The following FGF14 variants were observed in gnomAD, a reference collection of about 807,000 sequenced individuals.
FGF14 encodes fibroblast growth factor homologous factor 4.
FGF14 carries 5 observed loss-of-function variants against 25.5 expected under a neutral mutation model. The ratio of observed to expected loss-of-function variants is 0.20; its 90% confidence interval spans 0.10 to 0.41. The LOEUF is 0.41. Ranked by LOEUF, FGF14 falls within the 10% of genes least tolerant of loss-of-function variation. FGF14 has a pLI of 1.00. For synonymous variants in FGF14, 138 were observed against 118.3 expected (o/e 1.17, Z -1.08); for missense variants, 222 against 320.1 (o/e 0.69, Z 2.34).
intron 1 of FGF14, among the ~76,000 whole-genome samples, chr13:101,996,322 G>A (rs1179215475): frequency 2.0e-5 from 3 of 152,164 alleles, no homozygotes; most frequent in African/African-American, 7.2e-5. Flanking sequence ...TGAGCATTGT[G>A]TTGATGGAGA....
At chr13:101,723,816 ATGGT>A (rs75980063) in intron 4 of FGF14, among the ~76,000 whole-genome samples, 16,942 of 152,038 alleles carry the variant, frequency 0.11, 1,299 homozygotes, top group Admixed American at 0.23. Context: ...AGAGTGACTG[ATGGT>A]TGGGGAAAAC....
Position 102,311,358 on chromosome 13 carries a change from T to G in FGF14, c.208+90113A>C, listed in dbSNP as rs569936538. ...TCTGATCAGTCTTGAAGAAAATATC[T>G]TTTCTATGTGAGCTCTTTAAAGTAA... On this transcript the variant is annotated intron_variant, in intron 1 of 4. Coordinates refer to the FGF14 transcript ENST00000376131. Among the ~76,000 whole-genome samples, 29 of 152,304 alleles carry G rather than the reference T, an allele frequency of 1.9e-4. No homozygotes were observed. In the East Asian group the frequency reaches 5.2e-3, roughly 27 times the overall value.
At chr13:102,266,103 C>T in intron 1 of FGF14, among the ~76,000 whole-genome samples, 1 of 152,042 alleles carries the variant, frequency 6.6e-6, no homozygotes, top group East Asian at 1.9e-4. Context: ...AGATCTTAAC[C>T]AAGACGCAGA....
At chr13:101,860,493 TTGA>T (rs1462786189) in intron 3 of FGF14, among the ~76,000 whole-genome samples, 1 of 152,114 alleles carries the variant, frequency 6.6e-6, no homozygotes, top group Admixed American at 6.6e-5. Flanking sequence ...AAGCAGGCAG[TTGA>T]AAAGTCTGAT....
chr13:101,791,133 G>A (rs1156988280), intron 3 of FGF14, among the ~76,000 whole-genome samples: 2 of 152,160 alleles, frequency 1.3e-5, no homozygotes, highest in African/African-American at 2.4e-5. Context: ...CCCCTTTACA[G>A]CTGGGTGGCC....
chr13:102,206,619 T>C (rs986507398), intron 1 of FGF14, among the ~76,000 whole-genome samples: 1 of 152,016 alleles, frequency 6.6e-6, no homozygotes, highest in Admixed American at 6.5e-5. Flanking sequence ...AGGTGGAGGT[T>C]ACAGTGAGCC....
At chr13:101,774,608 G>A (rs754631091) in intron 3 of FGF14, among the ~76,000 whole-genome samples, 1 of 152,072 alleles carries the variant, frequency 6.6e-6, no homozygotes, top group Non-Finnish European at 1.5e-5. Context: ...CATCACTAGT[G>A]GAAATGTTTA....
chr13:101,912,274 T>C (rs1258577193), intron 1 of FGF14, among the ~76,000 whole-genome samples: 2 of 152,158 alleles, frequency 1.3e-5, no homozygotes, highest in East Asian at 1.9e-4. Flanking sequence ...AAAATGTTAG[T>C]AAGAAGCCCA....
intron 1 of FGF14, among the ~76,000 whole-genome samples, chr13:102,115,799 C>A (rs2140340175): frequency 8.8e-6 from 1 of 113,566 alleles, no homozygotes; most frequent in South Asian, 3.2e-4. Flanking sequence ...ACCCATGTAA[C>A]AAATGAACCA....
chr13:101,949,161 T>G (rs2139375980), intron 1 of FGF14, among the ~76,000 whole-genome samples: 1 of 152,294 alleles, frequency 6.6e-6, no homozygotes, highest in Non-Finnish European at 1.5e-5. Context: ...TGTGCCTCGG[T>G]TTTCTCTCTA....
chr13:101,974,140 T>G (rs747711130), intron 1 of FGF14, among the ~76,000 whole-genome samples: 1 of 152,240 alleles, frequency 6.6e-6, no homozygotes, highest in South Asian at 2.1e-4. Flanking sequence ...AGTCCATATC[T>G]AGAAATAGGG....
intron 1 of FGF14, among the ~76,000 whole-genome samples, chr13:101,987,360 C>A (rs985169814): frequency 6.6e-6 from 1 of 152,002 alleles, no homozygotes; most frequent in Non-Finnish European, 1.5e-5. Flanking sequence ...CTGCCTTTTT[C>A]CAGAACTCTC....
At chr13:102,092,789 C>T (rs1216335340) in intron 1 of FGF14, among the ~76,000 whole-genome samples, 1 of 151,952 alleles carries the variant, frequency 6.6e-6, no homozygotes, top group Admixed American at 6.6e-5. Context: ...GTCTAGTTAC[C>T]CTGGAGCACC....
At chr13:102,269,141 G>C (rs2053130684) in intron 1 of FGF14, among the ~76,000 whole-genome samples, 1 of 152,194 alleles carries the variant, frequency 6.6e-6, no homozygotes, top group Non-Finnish European at 1.5e-5. Flanking sequence ...TATTGGAAAA[G>C]TGAAAAACAG....
intron 1 of FGF14, among the ~76,000 whole-genome samples, chr13:102,328,854 A>T (rs954113301): frequency 5.9e-5 from 9 of 152,196 alleles, no homozygotes; most frequent in African/African-American, 2.2e-4. Flanking sequence ...AACTGATGCC[A>T]TTATTTGTAG....
At chr13:102,300,608 G>A (rs971057858) in intron 1 of FGF14, among the ~76,000 whole-genome samples, 4 of 151,902 alleles carry the variant, frequency 2.6e-5, no homozygotes, top group Admixed American at 1.3e-4. Flanking sequence ...ATCTATCTCC[G>A]TACGGACTAT....
intron 1 of FGF14, among the ~76,000 whole-genome samples, chr13:102,004,113 T>C (rs765382162): frequency 1.5e-4 from 23 of 152,190 alleles, no homozygotes; most frequent in South Asian, 1.2e-3. Flanking sequence ...TTGACTAGCA[T>C]TATTCAATCA....
chr13:101,801,654 G>T (rs1025312550), intron 3 of FGF14, among the ~76,000 whole-genome samples: 2 of 152,180 alleles, frequency 1.3e-5, no homozygotes, highest in Non-Finnish European at 2.9e-5. Flanking sequence ...AAACAGGTTG[G>T]TTAAGAATTA....
intron 1 of FGF14, among the ~76,000 whole-genome samples, chr13:102,040,757 T>C (rs1426414897): frequency 6.6e-6 from 1 of 152,192 alleles, no homozygotes; most frequent in Non-Finnish European, 1.5e-5. Context: ...TTTATCTTTC[T>C]GGGCAATCAA....
Sources: allele counts gnomAD v4.1 joint callset (sites outside exome capture counted in the v4.1 genomes callset), GRCh38; gene constraint gnomAD v4.1.1; transcripts MANE v1.5; gene names NCBI Gene and HGNC (gene_info 2026-07-23, HGNC 2026-07-21).